Variants in NPAS2 observed in about 807,000 individuals in gnomAD.
NPAS2 encodes the protein neuronal PAS domain-containing protein 2.
NPAS2 carries 23 observed loss-of-function variants against 107.5 expected under a neutral mutation model. That is an observed-to-expected ratio of 0.21 (90% confidence interval 0.15 to 0.30). The LOEUF (loss-of-function observed/expected upper bound fraction) is 0.30, where lower values mean the gene tolerates loss of function less well. Ranked by LOEUF, NPAS2 falls within the 10% of genes least tolerant of loss-of-function variation. The probability of loss-of-function intolerance (pLI) is 1.00; values close to 1 mark genes in which losing one functional copy is unlikely to be tolerated. For missense variants in NPAS2, 756 were observed against 1,043.3 expected, an observed-to-expected ratio of 0.72 and a Z score of 3.79; for synonymous variants, 403 against 417.5, an observed-to-expected ratio of 0.97 and a Z score of 0.42.
chr2:100,893,915 G>C (rs190863660), intron 1 of NPAS2, among the ~76,000 whole-genome samples: 34 of 152,302 alleles, frequency 2.2e-4, no homozygotes, highest in Admixed American at 1.8e-3. Context: ...CCTCCTGCAT[G>C]AGTGGAGTAA....
intron 1 of NPAS2, among the ~76,000 whole-genome samples, chr2:100,871,336 T>G (rs1442587355): frequency 1.3e-5 from 2 of 151,206 alleles, no homozygotes; most frequent in African/African-American, 4.9e-5. Context: ...CTTGTTTTTT[T>G]TTTTTTTTTT....
At chr2:100,830,005 A>G (rs1676627949) in intron 1 of NPAS2, among the ~76,000 whole-genome samples, 1 of 152,210 alleles carries the variant, frequency 6.6e-6, no homozygotes, top group Non-Finnish European at 1.5e-5. Flanking sequence ...TCTCAGAGTC[A>G]ACAGACCACA....
rs536170700 is a variant in NPAS2, at chr2:100,937,915, T to C, written c.363+73T>C. Reference sequence around the variant, plus strand: ...CTGTTGAGAATCATTAGATCTCAGATGGAAGGTGGTGCAGGTGTCAGGGGG... The same window carrying C: ...CTGTTGAGAATCATTAGATCTCAGACGGAAGGTGGTGCAGGTGTCAGGGGG... On this transcript the variant is annotated intron_variant, in intron 5 of 20. Coordinates refer to ENST00000335681, the MANE Select transcript of NPAS2 (RefSeq NM_002518.4). 6.8e-6 allele frequency: 8 copies of C among 1,183,642 alleles called. No homozygotes were observed. The Admixed American group carries it at 1.2e-4, about 17-fold the overall frequency. The allele number at this position is 1,183,642 out of a possible 1,614,324, so 73.3% of individuals were successfully genotyped here. A position where few individuals can be genotyped will look rare whatever the true frequency, so the allele number is the denominator to read the frequency against.
At chr2:100,949,944 G>A (rs1186132940) in intron 7 of NPAS2, among the ~76,000 whole-genome samples, 1 of 152,092 alleles carries the variant, frequency 6.6e-6, no homozygotes, top group African/African-American at 2.4e-5. Flanking sequence ...CAGCAAAGGG[G>A]TCATTTTACA....
intron 1 of NPAS2, among the ~76,000 whole-genome samples, chr2:100,899,061 C>A (rs1681607652): frequency 6.6e-6 from 1 of 152,028 alleles, no homozygotes; most frequent in Non-Finnish European, 1.5e-5. Context: ...AGATACTCCT[C>A]AAAATTGTCA....
intron 1 of NPAS2, among the ~76,000 whole-genome samples, chr2:100,891,199 T>C (rs1001949068): frequency 1.4e-5 from 2 of 146,904 alleles, no homozygotes; most frequent in African/African-American, 5.1e-5. Flanking sequence ...GCCACTGCAC[T>C]CCAGCCTGGG....
chr2:100,912,637 G>A (rs1184066544), intron 2 of NPAS2, among the ~76,000 whole-genome samples: 4 of 152,218 alleles, frequency 2.6e-5, no homozygotes, highest in African/African-American at 4.8e-5. Flanking sequence ...TTTGGTTGAT[G>A]TTGGCTTTCA....
At chr2:100,906,451 G>A (rs74330974) in intron 2 of NPAS2, among the ~76,000 whole-genome samples, 5,024 of 152,306 alleles carry the variant, frequency 0.033, 158 homozygotes, top group East Asian at 0.15. Context: ...CACCTGCAAT[G>A]TAAGGGTAGT....
At chr2:100,834,852 G>A (rs1428098632) in intron 1 of NPAS2, among the ~76,000 whole-genome samples, 3 of 152,164 alleles carry the variant, frequency 2.0e-5, no homozygotes, top group African/African-American at 7.2e-5. Flanking sequence ...GCGCCACCAT[G>A]CCCAGCTAAT....
At chr2:100,927,898 G>C (rs568745043) in intron 3 of NPAS2, among the ~76,000 whole-genome samples, 31 of 152,206 alleles carry the variant, frequency 2.0e-4, no homozygotes, top group Admixed American at 5.9e-4. Flanking sequence ...AGGAAGAGCA[G>C]AATTCTTTTT....
intron 7 of NPAS2, among the ~76,000 whole-genome samples, chr2:100,960,370 C>A (rs1173849237): frequency 6.6e-6 from 1 of 151,958 alleles, no homozygotes; most frequent in Non-Finnish European, 1.5e-5. Context: ...CGAGACCAGC[C>A]TTGCCAACAT....
chr2:100,975,011 G>C, intron 13 of NPAS2, 67 bp downstream of exon 13: 1 of 1,569,430 alleles, frequency 6.4e-7, no homozygotes, highest in Non-Finnish European at 8.7e-7. Context: ...CCCCACAGAG[G>C]GTCCCGGGCC....
intron 1 of NPAS2, among the ~76,000 whole-genome samples, chr2:100,829,349 T>A (rs1476839692): frequency 6.6e-6 from 1 of 152,074 alleles, no homozygotes; most frequent in East Asian, 1.9e-4. Flanking sequence ...GATGAGGTTT[T>A]GCCATGTTGG....
chr2:100,973,671 C>T (rs116792634), intron 12 of NPAS2, among the ~76,000 whole-genome samples: 21 of 152,316 alleles, frequency 1.4e-4, no homozygotes, highest in South Asian at 1.0e-3. Context: ...GCCACGCAGA[C>T]GCACGCATGG....
At chr2:100,900,968 T>C (rs972428801) in intron 1 of NPAS2, among the ~76,000 whole-genome samples, 5 of 151,900 alleles carry the variant, frequency 3.3e-5, no homozygotes, top group Admixed American at 6.6e-5. Context: ...GTTCAAGCTA[T>C]CCTTCCCACT....
At chr2:100,974,975 A>G (rs755338697) in intron 13 of NPAS2, 31 bp downstream of exon 13, 2 of 1,611,478 alleles carry the variant, frequency 1.2e-6, no homozygotes, top group Non-Finnish European at 1.7e-6. Context: ...GGGGAGTGGG[A>G]TGTCCACATC....
intron 1 of NPAS2, among the ~76,000 whole-genome samples, chr2:100,852,134 T>TGC (rs1678218306): frequency 1.3e-5 from 2 of 152,264 alleles, no homozygotes; most frequent in South Asian, 2.1e-4. Context: ...CGGTGGCTCC[T>TGC]GCCTGTAATC....
chr2:100,898,048 T>A, intron 1 of NPAS2, among the ~76,000 whole-genome samples: 1 of 152,130 alleles, frequency 6.6e-6, no homozygotes, highest in East Asian at 1.9e-4. Context: ...GATCCCCAAA[T>A]TCAATTCATT....
chr2:100,842,080 C>CGT (rs1212685801), intron 1 of NPAS2, among the ~76,000 whole-genome samples: 3 of 123,752 alleles, frequency 2.4e-5, no homozygotes, highest in African/African-American at 6.8e-5. Context: ...TGCATGTACG[C>CGT]GCACACACAC....
Sources: gnomAD v4.1 joint callset for allele counts (sites outside exome capture counted in the v4.1 genomes callset) on GRCh38, gnomAD v4.1.1 for gene constraint, MANE v1.5 for transcripts, NCBI Gene and HGNC (gene_info 2026-07-23, HGNC 2026-07-21) for gene names.